IPPK: variants seen among roughly 807,000 people sequenced by gnomAD.
IPPK encodes the protein IPK1 homolog.
IPPK carries 22 observed loss-of-function variants against 64.6 expected under a neutral mutation model. The observed-to-expected ratio is 0.34, with a 90% confidence interval of 0.24 to 0.49. IPPK has a LOEUF of 0.49. Ranked by LOEUF, IPPK falls within the 20% of genes least tolerant of loss-of-function variation. The pLI is 0.99. For missense variants in IPPK, 532 were observed against 630.7 expected, an observed-to-expected ratio of 0.84 and a Z score of 1.68; for synonymous variants, 262 against 247.2, an observed-to-expected ratio of 1.06 and a Z score of -0.56.
intron 11 of IPPK, among the ~76,000 whole-genome samples, chr9:92,629,400 A>G (rs534235390): frequency 1.3e-5 from 2 of 152,342 alleles, no homozygotes; most frequent in Admixed American, 1.3e-4. Context: ...TGTATCTGAT[A>G]AGGGTCTAGT....
intron 3 of IPPK, among the ~76,000 whole-genome samples, chr9:92,654,289 G>A (rs1386274932): frequency 1.3e-5 from 2 of 152,134 alleles, no homozygotes; most frequent in African/African-American, 2.4e-5. Flanking sequence ...GGACAAGGCG[G>A]GCTGATCACT....
chr9:92,614,320 G>A lies in IPPK; in HGVS notation c.*1512C>T, dbSNP rs1439890055. The A allele has an allele frequency of 6.6e-6, 1 of 152,520 alleles. No homozygotes were observed. Among genetic ancestry groups the A allele is most frequent in the East Asian group, 1.9e-4 (1 of 5,212 alleles). 9.4% of individuals were successfully genotyped at this position (152,520 alleles called of 1,614,324 possible). ...GCAACAGTGAACTCCCTTGGGTCAAGACAGTACTCAACGGCCACTACCTCC... is the reference window on the plus strand; with the variant it reads ...GCAACAGTGAACTCCCTTGGGTCAAAACAGTACTCAACGGCCACTACCTCC... On this transcript the variant is annotated 3_prime_UTR_variant, in exon 13 of 13. Coordinates refer to ENST00000287996, the MANE Select transcript of IPPK (RefSeq NM_022755.6).
At chr9:92,669,322 C>G (rs1170686109) in intron 1 of IPPK, among the ~76,000 whole-genome samples, 1 of 152,206 alleles carries the variant, frequency 6.6e-6, no homozygotes, top group Admixed American at 6.5e-5. Flanking sequence ...AACTTTCACC[C>G]TCGTTGAATT....
In IPPK at chr9:92,637,989, G is replaced by A; in HGVS notation, c.916+12C>T. ...GGCCCCCACCGCCTACCTGGGGAAG[G>A]CTGGGCCCTACCTTGGCAGCGAAGG... On this transcript the variant is annotated intron_variant, in intron 9 of 12. Transcript: ENST00000287996. 6.5e-7 allele frequency: 1 copy of A among 1,541,326 alleles called. No homozygotes were observed.
chr9:92,621,191 A>AGTT (rs1398172607), intron 11 of IPPK, among the ~76,000 whole-genome samples: 10 of 119,490 alleles, frequency 8.4e-5, no homozygotes, highest in African/African-American at 3.2e-4. Context: ...TCACCTTGGG[A>AGTT]GTTGGGATTT....
intron 12 of IPPK, chr9:92,616,605 C>T (rs991502691): frequency 2.0e-5 from 3 of 152,914 alleles, no homozygotes; most frequent in African/African-American, 7.2e-5. Flanking sequence ...TTGAAGAGAT[C>T]TGGTTTCTCA....
At chr9:92,665,318 C>T (rs1027000212) in intron 1 of IPPK, among the ~76,000 whole-genome samples, 1 of 152,226 alleles carries the variant, frequency 6.6e-6, no homozygotes, top group African/African-American at 2.4e-5. Flanking sequence ...AGAACATAAA[C>T]GTATGTGCTT....
intron 1 of IPPK, among the ~76,000 whole-genome samples, chr9:92,669,531 C>A (rs1852679905): frequency 6.6e-6 from 1 of 152,208 alleles, no homozygotes; most frequent in African/African-American, 2.4e-5. Flanking sequence ...CACCCCACTG[C>A]GGCCTGGCAG....
At position 92,615,756 on chromosome 9, in the gene IPPK, C is replaced by A. The variant is rs1321929916; in HGVS notation, c.*76G>T. 1.6e-6 allele frequency: 2 copies of A among 1,247,248 alleles called. No individual in the cohort carries two copies. Among genetic ancestry groups the A allele is most frequent in the Non-Finnish European group, 2.3e-6 (2 of 862,760 alleles). The allele number at this position is 1,247,248 out of a possible 1,614,324, so 77.3% of individuals were successfully genotyped here. A position where few individuals can be genotyped will look rare whatever the true frequency, so the allele number is the denominator to read the frequency against. On this transcript the variant is annotated 3_prime_UTR_variant, in exon 13 of 13. Coordinates refer to ENST00000287996, the MANE Select transcript of IPPK (RefSeq NM_022755.6). ...AAAAACATTCACAACCAAAGGTCAC[C>A]CAACACAACAGAAAATATCTCTATC...
intron 1 of IPPK, among the ~76,000 whole-genome samples, chr9:92,668,914 C>T (rs140126255): frequency 6.6e-6 from 1 of 152,378 alleles, no homozygotes; most frequent in African/African-American, 2.4e-5. Flanking sequence ...CTGCCTACAT[C>T]ATCCCTGACA....
intron 6 of IPPK, 126 bp downstream of exon 6, chr9:92,647,933 A>C (rs1852181818): frequency 1.6e-6 from 1 of 640,292 alleles, no homozygotes; most frequent in South Asian, 2.0e-5. Context: ...TCACTTTGTG[A>C]AATAAAATGT....
chr9:92,631,193 A>ATTT (rs61202690), intron 11 of IPPK, among the ~76,000 whole-genome samples: 27 of 131,234 alleles, frequency 2.1e-4, no homozygotes, highest in African/African-American at 5.0e-4. Context: ...ACACAGTTCA[A>ATTT]TTTTTTTTTT....
chr9:92,647,801 T>C (rs1293135903), intron 6 of IPPK, among the ~76,000 whole-genome samples: 2 of 152,000 alleles, frequency 1.3e-5, no homozygotes. Context: ...CCAAGGCAGG[T>C]GGACTGCATG....
At chr9:92,623,532 T>C (rs1041237408) in intron 11 of IPPK, among the ~76,000 whole-genome samples, 1 of 151,004 alleles carries the variant, frequency 6.6e-6, no homozygotes, top group Admixed American at 6.6e-5. Flanking sequence ...CTATCCAGAA[T>C]ATACAAAGAA....
At chr9:92,618,603 T>C (rs769265408) in intron 12 of IPPK, 2 of 456,234 alleles carry the variant, frequency 4.4e-6, no homozygotes, top group Admixed American at 2.4e-5. Flanking sequence ...AGTTAAGGAA[T>C]TCCTCATAAC....
chr9:92,666,218 G>A (rs1401096212), intron 1 of IPPK, among the ~76,000 whole-genome samples: 1 of 152,126 alleles, frequency 6.6e-6, no homozygotes, highest in African/African-American at 2.4e-5. Flanking sequence ...CAAGGCTGAG[G>A]TGGTCCGGAA....
intron 11 of IPPK, chr9:92,620,133 C>T (rs993426558): frequency 6.4e-6 from 1 of 156,960 alleles, no homozygotes; most frequent in Non-Finnish European, 1.4e-5. Context: ...CGGCGTCCCA[C>T]TTTACAGACA....
At chr9:92,669,169 C>T (rs1852669875) in intron 1 of IPPK, among the ~76,000 whole-genome samples, 2 of 152,164 alleles carry the variant, frequency 1.3e-5, no homozygotes, top group South Asian at 4.1e-4. Context: ...TCGCCTCCCT[C>T]ACCCCCCTCC....
At position 92,615,912 on chromosome 9, in the gene IPPK, C is replaced by T; in HGVS notation, c.1396G>A (p.Val466Ile). ...ATCACGGCGTTGTCTTTGGCACGTACAGTCTTTGAATAATAGTTGACGATC... is the reference window on the plus strand; with the variant it reads ...ATCACGGCGTTGTCTTTGGCACGTATAGTCTTTGAATAATAGTTGACGATC... ...GKIVNYYSKT[V>I]RAKDNAVMST... Residue 466 changes from valine (V) to isoleucine (I), a missense_variant, in exon 13 of 13, where the codon GTA (valine) becomes ATA (isoleucine). Coordinates refer to ENST00000287996, the MANE Select transcript of IPPK (RefSeq NM_022755.6). 6.2e-7 allele frequency: 1 copy of T among 1,614,182 alleles called. No homozygotes were observed. The highest frequency in any genetic ancestry group is 8.5e-7 in the Non-Finnish European group (1 of 1,180,040).
Sources: gnomAD v4.1 joint callset for allele counts (sites outside exome capture counted in the v4.1 genomes callset) on GRCh38, gnomAD v4.1.1 for gene constraint, MANE v1.5 for transcripts, NCBI Gene and HGNC (gene_info 2026-07-23, HGNC 2026-07-21) for gene names.